Variants in CEP112 observed in about 807,000 individuals in gnomAD.
CEP112 encodes the protein centrosomal protein of 112 kDa.
Under a neutral mutation model 153.0 loss-of-function variants are expected in CEP112, and 127 were observed. The observed-to-expected ratio is 0.83, with a 90% CI of 0.72 to 0.96. CEP112 has a LOEUF of 0.96. CEP112 is among the 40% of genes least tolerant of loss of function. The probability of loss-of-function intolerance (pLI) is 0.00; values close to 1 mark genes in which losing one functional copy is unlikely to be tolerated. For synonymous variants in CEP112, 358 were observed against 374.4 expected (o/e 0.96, Z 0.51); for missense variants, 1,089 against 1,101.2 (o/e 0.99, Z 0.16).
intron 23 of CEP112, among the ~76,000 whole-genome samples, chr17:65,717,920 TTA>T (rs1202054844): frequency 6.6e-6 from 1 of 152,142 alleles, no homozygotes; most frequent in Non-Finnish European, 1.5e-5. Flanking sequence ...GGCTCACTCA[TTA>T]AAAACCAAAT....
intron 21 of CEP112, among the ~76,000 whole-genome samples, chr17:65,775,977 C>T (rs938528873): frequency 2.0e-5 from 3 of 152,214 alleles, no homozygotes; most frequent in South Asian, 2.1e-4. Flanking sequence ...AACACACTTT[C>T]GTAATCAACC....
chr17:65,720,664 G>A (rs1248537804), intron 23 of CEP112, among the ~76,000 whole-genome samples: 2 of 152,132 alleles, frequency 1.3e-5, no homozygotes, highest in East Asian at 1.9e-4. Context: ...GAAGGGAAAC[G>A]GGATTAAGAT....
intron 24 of CEP112, among the ~76,000 whole-genome samples, chr17:65,660,377 T>C (rs2046308281): frequency 7.7e-6 from 1 of 130,566 alleles, no homozygotes; most frequent in Non-Finnish European, 1.6e-5. Flanking sequence ...CTCCCTTCCT[T>C]CCTTCCTTCC....
chr17:66,187,058 C>T (rs2072965142), intron 1 of CEP112, among the ~76,000 whole-genome samples: 2 of 152,178 alleles, frequency 1.3e-5, no homozygotes, highest in African/African-American at 4.8e-5. Context: ...TCACTCCTTC[C>T]CCTCTGATGG....
At chr17:65,739,650 TGCTTGAACCC>T (rs2082541821) in intron 23 of CEP112, among the ~76,000 whole-genome samples, 1 of 151,918 alleles carries the variant, frequency 6.6e-6, no homozygotes. Context: ...GCAGGAGAAT[TGCTTGAACCC>T]GGGAGGCGGA....
chr17:65,685,160 C>T (rs957938437), intron 24 of CEP112, among the ~76,000 whole-genome samples: 1 of 152,168 alleles, frequency 6.6e-6, no homozygotes, highest in Non-Finnish European at 1.5e-5. Flanking sequence ...CTTGAGGGGA[C>T]AGAAGGGAGA....
At chr17:65,729,284 C>T (rs976585334) in intron 23 of CEP112, among the ~76,000 whole-genome samples, 1 of 152,148 alleles carries the variant, frequency 6.6e-6, no homozygotes, top group African/African-American at 2.4e-5. Flanking sequence ...TCATTTATTT[C>T]ATTGTAATCT....
At chr17:65,687,734 C>G (rs573894045) in intron 24 of CEP112, among the ~76,000 whole-genome samples, 5 of 152,126 alleles carry the variant, frequency 3.3e-5, no homozygotes, top group African/African-American at 1.2e-4. Flanking sequence ...AATCCTCTAT[C>G]GTGGGATCCT....
intron 21 of CEP112, among the ~76,000 whole-genome samples, chr17:65,813,382 C>T (rs115645223): frequency 9.9e-5 from 15 of 152,234 alleles, no homozygotes; most frequent in African/African-American, 3.4e-4. Context: ...ATCAGAGCCT[C>T]GTTGGGAAAT....
chr17:65,677,150 T>C (rs188126229), intron 24 of CEP112, among the ~76,000 whole-genome samples: 81 of 152,344 alleles, frequency 5.3e-4, no homozygotes, highest in African/African-American at 1.9e-3. Flanking sequence ...CTTTACCTCC[T>C]ATTTCTTCTC....
rs753644304 is a variant in CEP112 at position 65,743,194 on chromosome 17, G to A, written c.2481C>T (p.Thr827=). 6 of 1,610,874 alleles carry A rather than the reference G, an allele frequency of 3.7e-6. No homozygotes were observed. Among genetic ancestry groups the A allele is most frequent in the Non-Finnish European group, 5.1e-6 (6 of 1,179,006 alleles). Residue 827 remains threonine (T), a synonymous_variant, in exon 23 of 27, where the codon ACC becomes ACT. Coordinates refer to ENST00000535342, the MANE Select transcript of CEP112 (RefSeq NM_001199165.4). The part of the protein sequence containing the change: ...SSQIIAELQT[T]ISSLKEENSQ... Reference sequence around the variant, plus strand: ...TGTTCTCTTCTTTCAGAGAGGAAATGGTTGTCTGAAGTTCTGCTATGATCT... The same window carrying A: ...TGTTCTCTTCTTTCAGAGAGGAAATAGTTGTCTGAAGTTCTGCTATGATCT...
At chr17:66,079,952 C>T (rs542890243) in intron 8 of CEP112, among the ~76,000 whole-genome samples, 49 of 152,096 alleles carry the variant, frequency 3.2e-4, no homozygotes, top group African/African-American at 1.2e-3. Flanking sequence ...AACTGGCTAG[C>T]CATAGGTAGA....
At chr17:65,673,608 T>A (rs903046564) in intron 24 of CEP112, among the ~76,000 whole-genome samples, 3 of 151,952 alleles carry the variant, frequency 2.0e-5, no homozygotes, top group Non-Finnish European at 4.4e-5. Context: ...CCACATAACA[T>A]AACAAATTTG....
chr17:65,883,812 T>C (rs923923581), intron 20 of CEP112, among the ~76,000 whole-genome samples: 19 of 152,208 alleles, frequency 1.2e-4, no homozygotes, highest in African/African-American at 4.1e-4. Flanking sequence ...TAAGATTACA[T>C]AGAGGCCTGG....
chr17:65,824,689 C>T lies in CEP112; in HGVS notation c.2394+27115G>A, dbSNP rs549738373. 2.6e-5 allele frequency among the ~76,000 whole-genome samples: 4 copies of T among 152,182 alleles called. No homozygotes were observed. In the East Asian group the frequency reaches 5.8e-4, roughly 22 times the overall value. On this transcript the variant is annotated intron_variant, in intron 21 of 26. Transcript: ENST00000535342. ...AGAGGGGAAAATGTGTGTGAAGCCA[C>T]AAACGGAGATTGTTTACAGCCTATT...
intron 23 of CEP112, among the ~76,000 whole-genome samples, chr17:65,697,034 G>C (rs921795449): frequency 1.3e-5 from 2 of 152,168 alleles, no homozygotes; most frequent in African/African-American, 4.8e-5. Flanking sequence ...AAGATAACTA[G>C]AAGAGGAAGG....
intron 20 of CEP112, among the ~76,000 whole-genome samples, chr17:65,866,967 T>A (rs1265600781): frequency 6.6e-6 from 1 of 151,192 alleles, no homozygotes; most frequent in Admixed American, 6.6e-5. Context: ...TGCCCCTTGC[T>A]CACCACATTG....
At chr17:66,071,486 A>G (rs1484443137) in intron 8 of CEP112, among the ~76,000 whole-genome samples, 3 of 152,108 alleles carry the variant, frequency 2.0e-5, no homozygotes, top group Non-Finnish European at 4.4e-5. Context: ...AGATCTTCCC[A>G]TAACACCTTC....
intron 20 of CEP112, among the ~76,000 whole-genome samples, chr17:65,870,237 T>C (rs1262849205): frequency 6.6e-6 from 1 of 152,128 alleles, no homozygotes; most frequent in Admixed American, 6.5e-5. Context: ...TGAGTAATGA[T>C]ACCGGTAAAG....
Sources: allele counts gnomAD v4.1 joint callset (sites outside exome capture counted in the v4.1 genomes callset), GRCh38; gene constraint gnomAD v4.1.1; transcripts MANE v1.5; gene names NCBI Gene and HGNC (gene_info 2026-07-23, HGNC 2026-07-21).